Variants in RAP1GAP2 observed in about 807,000 individuals in gnomAD.
RAP1GAP2 encodes the protein rap1 GTPase-activating protein 2.
A neutral mutation model predicts 95.0 loss-of-function variants in RAP1GAP2; 27 were observed. That is an observed-to-expected ratio of 0.28 (90% confidence interval 0.21 to 0.39). The LOEUF is 0.39. Among genes scored for constraint, RAP1GAP2 ranks in the 10% least tolerant of loss-of-function variants. The pLI is 1.00. For missense variants in RAP1GAP2, 771 were observed against 970.0 expected (o/e 0.79, Z 2.72); for synonymous variants, 373 against 380.9 (o/e 0.98, Z 0.24).
upstream of RAP1GAP2, among the ~76,000 whole-genome samples, chr17:2,792,513 C>A (rs1406735527): frequency 1.3e-5 from 2 of 152,196 alleles, no homozygotes; most frequent in Non-Finnish European, 2.9e-5. Context: ...GACTCTCACA[C>A]CCTGCAGGGC....
At chr17:2,869,811 C>A (rs576075790) in intron 2 of RAP1GAP2, among the ~76,000 whole-genome samples, 1 of 152,356 alleles carries the variant, frequency 6.6e-6, no homozygotes, top group South Asian at 2.1e-4. Flanking sequence ...GGGCTCATGG[C>A]CAGCCGTCAG....
At chr17:2,894,101 C>A (rs781327922) in intron 2 of RAP1GAP2, among the ~76,000 whole-genome samples, 3 of 149,210 alleles carry the variant, frequency 2.0e-5, no homozygotes, top group Non-Finnish European at 3.0e-5. Context: ...CATGGCGAAA[C>A]CCCGTCTCAA....
intron 17 of RAP1GAP2, among the ~76,000 whole-genome samples, chr17:3,012,433 C>T (rs184141518): frequency 9.7e-4 from 148 of 151,838 alleles, no homozygotes; most frequent in African/African-American, 3.4e-3. Context: ...GCCTGGCCAA[C>T]GTGGTGAAAC....
chr17:3,002,045 C>G (rs1353474101), intron 14 of RAP1GAP2, among the ~76,000 whole-genome samples: 1 of 151,658 alleles, frequency 6.6e-6, no homozygotes, highest in Non-Finnish European at 1.5e-5. Context: ...TCACTGCAAC[C>G]TCTGCCTCCC....
rs1002390206 is a variant in RAP1GAP2 at position 2,902,780 on chromosome 17, C to G, written c.81-2504C>G. On this transcript the variant is annotated intron_variant, in intron 2 of 24. Transcript: ENST00000254695. This position sits in a 1 kb window ranked among gnomAD's most constrained non-coding sequence, Gnocchi z 4.1. ...TCCAGTGTCCAGTAGAGACCGGCCC[C>G]AGGAGCTTATCCAGCATCCAGGGGG... Among the ~76,000 whole-genome samples the G allele has an allele frequency of 1.8e-4, 27 of 152,166 alleles. No homozygotes were observed. The highest frequency in any genetic ancestry group is 3.4e-4 in the Non-Finnish European group (23 of 68,028).
chr17:2,985,193 T>A (rs1198442510), intron 11 of RAP1GAP2, 127 bp downstream of exon 11: 1 of 1,486,406 alleles, frequency 6.7e-7, no homozygotes, highest in Non-Finnish European at 8.9e-7. Context: ...ACGGTCACAT[T>A]TAAGGTATGA....
Position 3,029,078 on chromosome 17 carries a change from G to A in RAP1GAP2, c.2108-1844G>A, listed in dbSNP as rs1567916989. Among the ~76,000 whole-genome samples the A allele has an allele frequency of 1.3e-5, 2 of 152,160 alleles. No individual in the cohort carries two copies. Among genetic ancestry groups the A allele is most frequent in the Non-Finnish European group, 2.9e-5 (2 of 68,032 alleles). ...CTCCCAAAGTGCTGGGATTACAGGC[G>A]TGAGCCACCGCGCCTGACCTGGTGT... On this transcript the variant is annotated intron_variant, in intron 22 of 24. Coordinates refer to ENST00000254695, the MANE Select transcript of RAP1GAP2 (RefSeq NM_015085.5). This position sits in a 1 kb window ranked among gnomAD's most constrained non-coding sequence, Gnocchi z 4.4.
intron 3 of RAP1GAP2, among the ~76,000 whole-genome samples, chr17:2,944,119 A>G (rs1597680190): frequency 1.4e-5 from 2 of 147,826 alleles, no homozygotes; most frequent in East Asian, 4.2e-4. Context: ...ATTGCACTCT[A>G]GCCTGGCGAC....
intron 3 of RAP1GAP2, among the ~76,000 whole-genome samples, chr17:2,921,310 C>T (rs1403509092): frequency 1.3e-5 from 2 of 152,052 alleles, no homozygotes; most frequent in Admixed American, 6.6e-5. Flanking sequence ...AAGCAATTCT[C>T]CTGCCTCAGC....
intron 3 of RAP1GAP2, among the ~76,000 whole-genome samples, chr17:2,936,365 G>A (rs2043311485): frequency 6.7e-6 from 1 of 148,928 alleles, no homozygotes. Context: ...TCAGAGTGTG[G>A]TCACACTGGT....
Position 2,965,390 on chromosome 17 carries a change from G to A in RAP1GAP2, c.493-150G>A. 1.5e-6 allele frequency: 1 copy of A among 654,422 alleles called. No individual in the cohort carries two copies. The highest frequency in any genetic ancestry group is 1.9e-5 in the South Asian group (1 of 52,586). 40.5% of individuals were successfully genotyped at this position (654,422 alleles called of 1,614,324 possible). ...GCGCCTCCTGAGGATCCGGCCGTCG[G>A]TACCTGTTAATGTCGTTGTCATTGT... On this transcript the variant is annotated intron_variant, in intron 7 of 24. Coordinates refer to ENST00000254695, the MANE Select transcript of RAP1GAP2 (RefSeq NM_015085.5). This position sits in a 1 kb window ranked among gnomAD's most constrained non-coding sequence, Gnocchi z 4.7.
chr17:2,835,086 ATTTTTTTTTGTATTT>A (rs2071073686), intron 2 of RAP1GAP2, among the ~76,000 whole-genome samples: 1 of 149,158 alleles, frequency 6.7e-6, no homozygotes, highest in Non-Finnish European at 1.5e-5. Context: ...CACCTGGCTA[ATTTTTTTTTGTATTT>A]TTAGTAGAGA....
Position 3,037,246 on chromosome 17 carries a change from G to C in RAP1GAP2, c.*3885G>C, listed in dbSNP as rs1447189217. 1.3e-5 allele frequency: 2 copies of C among 152,640 alleles called. No individual in the cohort carries two copies. The highest frequency in any genetic ancestry group is 2.4e-5 in the African/African-American group (1 of 41,452). The allele number at this position is 152,640 out of a possible 1,614,324, so 9.5% of individuals were successfully genotyped here. ...AGCCCTGCCGAGTGAGAGGCTGTGG[G>C]GCAGCGGCTCTGTCCTGTGCCTTAC... On this transcript the variant is annotated 3_prime_UTR_variant, in exon 25 of 25. Transcript: ENST00000254695.
At chr17:2,894,659 C>T (rs987585655) in intron 2 of RAP1GAP2, among the ~76,000 whole-genome samples, 6 of 152,264 alleles carry the variant, frequency 3.9e-5, no homozygotes, top group East Asian at 1.9e-4. Context: ...TCTCCTCCTC[C>T]GTCTGTATCA....
At chr17:2,784,133 A>G (rs566175744) in intron 1 of RAP1GAP2, among the ~76,000 whole-genome samples, 23 of 150,142 alleles carry the variant, frequency 1.5e-4, no homozygotes, top group African/African-American at 5.2e-4. Context: ...CCACCACGCC[A>G]GGCTAATTTT....
At chr17:2,782,089 CCCTGCAGGATTT>C (rs1356279104) in intron 1 of RAP1GAP2, among the ~76,000 whole-genome samples, 1 of 152,206 alleles carries the variant, frequency 6.6e-6, no homozygotes, top group African/African-American at 2.4e-5. Context: ...GATACTTTTT[CCCTGCAGGATTT>C]CCTGCCCCCA....
Position 2,797,866 on chromosome 17 carries a change from G to A in RAP1GAP2, c.44+1295G>A, listed in dbSNP as rs946913519. The A allele has an allele frequency of 3.6e-6, 3 of 831,408 alleles. No individual in the cohort carries two copies. The highest frequency in any genetic ancestry group is 4.3e-6 in the Non-Finnish European group (3 of 689,792). 51.5% of individuals were successfully genotyped at this position (831,408 alleles called of 1,614,324 possible). A position where few individuals can be genotyped will look rare whatever the true frequency, so the allele number is the denominator to read the frequency against. ...TGTGTCTTGGCTGTGGGCCTTGCAG[G>A]GCAGGGCCCAGCAATTAGATTGTGC... On this transcript the variant is annotated intron_variant, in intron 1 of 24. Transcript: ENST00000254695. This position sits in a 1 kb window ranked among gnomAD's most constrained non-coding sequence, Gnocchi z 5.6.
In RAP1GAP2 at chr17:2,863,557, C is replaced by T. The variant is rs574768121; in HGVS notation, c.81-41727C>T. Among the ~76,000 whole-genome samples the T allele has an allele frequency of 2.5e-3, 379 of 152,322 alleles. 1 individual carries two copies. The highest frequency in any genetic ancestry group is 0.024 in the Middle Eastern group (7 of 294). On this transcript the variant is annotated intron_variant, in intron 2 of 24. Transcript: ENST00000254695. ...ATGAGAGCCACCTCCTCCCTTCTTTCTCCCTCTTCTGCCTTTTTCTCTTTC... is the reference window on the plus strand; with the variant it reads ...ATGAGAGCCACCTCCTCCCTTCTTTTTCCCTCTTCTGCCTTTTTCTCTTTC...
At chr17:2,937,802 C>T (rs1358269923) in intron 3 of RAP1GAP2, among the ~76,000 whole-genome samples, 2 of 152,188 alleles carry the variant, frequency 1.3e-5, no homozygotes, top group African/African-American at 4.8e-5. Context: ...GAGCTATGCT[C>T]CTCTCCTCCT....
Sources: gnomAD v4.1 joint callset for allele counts (sites outside exome capture counted in the v4.1 genomes callset) on GRCh38, gnomAD v4.1.1 for gene constraint, Gnocchi (gnomAD v3.1) non-coding constraint, MANE v1.5 for transcripts, NCBI Gene and HGNC (gene_info 2026-07-23, HGNC 2026-07-21) for gene names.